The following NCAM2 variants were observed in gnomAD, a reference collection of about 807,000 sequenced individuals.
NCAM2 encodes N-CAM-2.
A neutral mutation model predicts 98.1 loss-of-function variants in NCAM2; 30 were observed. That is an observed-to-expected ratio of 0.31 (90% CI 0.23 to 0.41). NCAM2 has a LOEUF of 0.41. Ranked by LOEUF, NCAM2 falls within the 10% of genes least tolerant of loss-of-function variation. The pLI is 1.00. For synonymous variants in NCAM2, 368 were observed against 342.4 expected (o/e 1.07, Z -0.83); for missense variants, 867 against 1,005.8 (o/e 0.86, Z 1.87).
chr21:21,282,460 T>A (rs2072961539), intron 2 of NCAM2, among the ~76,000 whole-genome samples: 1 of 151,798 alleles, frequency 6.6e-6, no homozygotes, highest in Non-Finnish European at 1.5e-5. Flanking sequence ...AGAGCTTTTC[T>A]ATAGTACTGG....
At chr21:21,269,731 A>G (rs1388489762) in intron 1 of NCAM2, among the ~76,000 whole-genome samples, 1 of 152,018 alleles carries the variant, frequency 6.6e-6, no homozygotes, top group Non-Finnish European at 1.5e-5. Context: ...TAAAATCATT[A>G]TTTTTCTAAT....
intron 11 of NCAM2, among the ~76,000 whole-genome samples, chr21:21,421,026 C>G (rs1199722707): frequency 6.6e-6 from 1 of 151,452 alleles, no homozygotes; most frequent in Non-Finnish European, 1.5e-5. Context: ...GATATAGGAT[C>G]AATATATGTA....
At chr21:21,054,425 T>G (rs2065173471) in intron 1 of NCAM2, among the ~76,000 whole-genome samples, 1 of 152,058 alleles carries the variant, frequency 6.6e-6, no homozygotes, top group Non-Finnish European at 1.5e-5. Flanking sequence ...AGGTTGTAAC[T>G]GTGATTTAGT....
chr21:21,243,493 G>T (rs1185050918), intron 1 of NCAM2, among the ~76,000 whole-genome samples: 1 of 152,122 alleles, frequency 6.6e-6, no homozygotes, highest in East Asian at 1.9e-4. Flanking sequence ...ACCAGTTGAT[G>T]AAAATTTATT....
chr21:21,411,250 A>T (rs2076882271), intron 10 of NCAM2, among the ~76,000 whole-genome samples: 1 of 144,692 alleles, frequency 6.9e-6, no homozygotes, highest in African/African-American at 2.6e-5. Context: ...ATCTAGGAAG[A>T]AAAAATTGGT....
chr21:21,305,001 G>T (rs547145621), intron 5 of NCAM2, among the ~76,000 whole-genome samples: 1 of 152,000 alleles, frequency 6.6e-6, no homozygotes, highest in Non-Finnish European at 1.5e-5. Context: ...TTATGGTTCC[G>T]TAGAATTCTC....
At chr21:21,388,688 G>T (rs1049876047) in intron 9 of NCAM2, among the ~76,000 whole-genome samples, 5 of 152,090 alleles carry the variant, frequency 3.3e-5, no homozygotes, top group Admixed American at 3.3e-4. Context: ...TGTGATGCTC[G>T]ATTTAGTTAT....
At chr21:21,304,503 T>C (rs1020055506) in intron 5 of NCAM2, among the ~76,000 whole-genome samples, 3 of 152,112 alleles carry the variant, frequency 2.0e-5, no homozygotes, top group African/African-American at 4.8e-5. Flanking sequence ...AAAGCCGTTA[T>C]GATAAGTTAG....
At chr21:21,353,250 C>T (rs1370160679) in intron 8 of NCAM2, among the ~76,000 whole-genome samples, 1 of 152,186 alleles carries the variant, frequency 6.6e-6, no homozygotes, top group Non-Finnish European at 1.5e-5. Flanking sequence ...GTCCTATGTA[C>T]TTTATGATGG....
intron 10 of NCAM2, 117 bp from the exon 11 acceptor site, chr21:21,418,356 G>T: frequency 2.8e-6 from 2 of 701,946 alleles, no homozygotes; most frequent in East Asian, 2.6e-5. Flanking sequence ...AAAAATATAT[G>T]GTAAGGAGTT....
chr21:21,151,520 G>A (rs943088456), intron 1 of NCAM2, among the ~76,000 whole-genome samples: 8 of 152,040 alleles, frequency 5.3e-5, no homozygotes, highest in Non-Finnish European at 1.2e-4. Context: ...GAATGGTATA[G>A]CCTCTACCTA....
chr21:21,494,739 AATAG>A (rs1987095625), intron 15 of NCAM2, among the ~76,000 whole-genome samples: 1 of 151,808 alleles, frequency 6.6e-6, no homozygotes, highest in African/African-American at 2.4e-5. Context: ...TAGATAAGAT[AATAG>A]ATATTTTGTT....
chr21:21,319,313 C>G (rs958671510), intron 5 of NCAM2, among the ~76,000 whole-genome samples: 1 of 152,204 alleles, frequency 6.6e-6, no homozygotes, highest in South Asian at 2.1e-4. Flanking sequence ...AGAATCAATC[C>G]TCTGTGAATA....
chr21:21,329,194 G>A (rs527344792), intron 6 of NCAM2, among the ~76,000 whole-genome samples: 12 of 152,018 alleles, frequency 7.9e-5, no homozygotes, highest in African/African-American at 2.4e-4. Context: ...TGATTATCCC[G>A]CGTCCGCCTC....
chr21:21,147,136 C>G (rs766182492), intron 1 of NCAM2: 1 of 985,324 alleles, frequency 1.0e-6, no homozygotes, highest in Non-Finnish European at 1.2e-6. Context: ...CACTAGTGGA[C>G]TTCCTGAAAT....
intron 1 of NCAM2, among the ~76,000 whole-genome samples, chr21:21,245,804 A>T (rs1375491219): frequency 6.6e-6 from 1 of 152,138 alleles, no homozygotes; most frequent in Non-Finnish European, 1.5e-5. Context: ...GATGATAGAT[A>T]GGGAGATGGT....
chr21:21,304,120 A>G (rs1239259617), intron 5 of NCAM2, among the ~76,000 whole-genome samples: 2 of 151,950 alleles, frequency 1.3e-5, no homozygotes, highest in African/African-American at 4.8e-5. Context: ...ATGAGGTTTA[A>G]TTTTTCTTTT....
At chr21:21,173,704 A>G (rs1033279720) in intron 1 of NCAM2, among the ~76,000 whole-genome samples, 1 of 152,192 alleles carries the variant, frequency 6.6e-6, no homozygotes, top group South Asian at 2.1e-4. Flanking sequence ...TAAATCCTGA[A>G]TCATCCTACA....
rs549990850 is a variant in NCAM2 at position 21,273,810 on chromosome 21, G to T, written c.56-6768G>T. The stretch of plus-strand genomic sequence containing the variant: ...AAATTTATTATTATTTCTTGTTTAG[G>T]ATGAAACTTTATTAAAGAGTGTGCA... On this transcript the variant is annotated intron_variant, in intron 1 of 17. Transcript: ENST00000400546. 9.9e-5 allele frequency among the ~76,000 whole-genome samples: 15 copies of T among 151,838 alleles called. No homozygotes were observed. The South Asian group carries it at 3.1e-3, about 32-fold the overall frequency.
Sources: allele counts gnomAD v4.1 joint callset (sites outside exome capture counted in the v4.1 genomes callset), GRCh38; gene constraint gnomAD v4.1.1; transcripts MANE v1.5; gene names NCBI Gene and HGNC (gene_info 2026-07-23, HGNC 2026-07-21).